Variants in FGF13 observed in about 807,000 individuals in gnomAD.
FGF13 encodes fibroblast growth factor homologous factor 2.
Under a neutral mutation model 19.5 loss-of-function variants are expected in FGF13, and 2 were observed. The observed-to-expected ratio is 0.10, with a 90% confidence interval of 0.04 to 0.32. FGF13 has a LOEUF of 0.32. Among genes scored for constraint, FGF13 ranks in the 10% least tolerant of loss-of-function variants. The pLI is 1.00. For synonymous variants in FGF13, 72 were observed against 76.9 expected, an observed-to-expected ratio of 0.94 and a Z score of 0.33; for missense variants, 113 against 192.7, an observed-to-expected ratio of 0.59 and a Z score of 2.45.
chrX:138,815,930 C>A (rs1218598622), intron 3 of FGF13, among the ~76,000 whole-genome samples: 1 of 110,704 alleles, frequency 9.0e-6, no homozygotes, highest in African/African-American at 3.3e-5. Context: ...ACTCCAAATC[C>A]AGGTACAATA....
intron 3 of FGF13, among the ~76,000 whole-genome samples, chrX:138,768,733 TATATG>T (rs1341504600): frequency 4.0e-5 from 4 of 100,392 alleles, no homozygotes; most frequent in African/African-American, 1.2e-4. Context: ...ATATTATATA[TATATG>T]ATATATATAT....
chrX:138,729,556 T>C (rs2090212319), intron 1 of FGF13, among the ~76,000 whole-genome samples: 1 of 108,889 alleles, frequency 9.2e-6, no homozygotes, highest in African/African-American at 3.3e-5. Context: ...ACATGAGTAA[T>C]TTGGAGTCTC....
At chrX:139,081,046 A>G (rs1022019910) in intron 1 of FGF13, among the ~76,000 whole-genome samples, 1 of 110,948 alleles carries the variant, frequency 9.0e-6, no homozygotes, top group Non-Finnish European at 1.9e-5. Flanking sequence ...CTTCCACTTT[A>G]GAAAACAACT....
chrX:138,891,230 A>C (rs760489853), intron 1 of FGF13, among the ~76,000 whole-genome samples: 1 of 111,784 alleles, frequency 8.9e-6, no homozygotes, highest in South Asian at 3.8e-4. Context: ...GCTTGCAGTG[A>C]GCCGAGATTG....
chrX:138,752,411 G>A (rs1196439935), intron 3 of FGF13, among the ~76,000 whole-genome samples: 1 of 111,038 alleles, frequency 9.0e-6, no homozygotes, highest in African/African-American at 3.3e-5. Flanking sequence ...GTGCAACAGA[G>A]CAAGACTCCA....
rs1392206171 is a variant in FGF13 at position 139,000,241 on chromosome X, T to C, written c.-112-135591A>G. On this transcript the variant is annotated intron_variant, in intron 1 of 2. Transcript: ENST00000421460. ...CACAGCCAATATCATATGGAATGGG[T>C]AAAAACTGGAAGCATTTCCTTTGAA... Among the ~76,000 whole-genome samples, 8 of 111,632 alleles carry C rather than the reference T, an allele frequency of 7.2e-5. No individual in the cohort carries two copies. In the East Asian group the frequency reaches 2.3e-3, roughly 31 times the overall value.
intron 3 of FGF13, among the ~76,000 whole-genome samples, chrX:138,832,917 G>A (rs1320055546): frequency 8.9e-6 from 1 of 111,846 alleles, no homozygotes; most frequent in Non-Finnish European, 1.9e-5. Flanking sequence ...ATTGAATAGT[G>A]ACTCCTTCCT....
intron 3 of FGF13, among the ~76,000 whole-genome samples, chrX:138,641,604 TA>T (rs200812241): frequency 0.012 from 1,377 of 112,203 alleles, 14 homozygotes; most frequent in African/African-American, 0.04. Flanking sequence ...ATCATGCCCA[TA>T]GGGGTGACAA....
chrX:138,856,944 G>GA (rs1465841830), downstream of FGF13, among the ~76,000 whole-genome samples: 14 of 111,434 alleles, frequency 1.3e-4, no homozygotes, highest in Non-Finnish European at 3.8e-5. Context: ...GAGCTGAAAA[G>GA]AAAAAACAAA....
chrX:138,706,042 T>C (rs1207036471), intron 2 of FGF13, among the ~76,000 whole-genome samples: 3 of 112,514 alleles, frequency 2.7e-5, no homozygotes, highest in Admixed American at 1.9e-4. Flanking sequence ...ATGTACCTAG[T>C]TGGCACCCAG....
intron 1 of FGF13, among the ~76,000 whole-genome samples, chrX:139,177,561 G>A (rs112295470): frequency 0.016 from 1,722 of 111,091 alleles, 14 homozygotes; most frequent in Non-Finnish European, 0.024. Context: ...GGCTGGTACC[G>A]GTTATTCCTT....
In FGF13 at chrX:138,750,606, A is replaced by AT. The variant is rs763545831; in HGVS notation, c.218-41679dup. On this transcript the variant is annotated intron_variant, in intron 3 of 6. Transcript: ENST00000436198. ...AAAGTGACAGCTCATCCTACATACC[A>AT]TTTTTTTTTTGACTCTCTGCCAACT... Among the ~76,000 whole-genome samples the AT allele has an allele frequency of 7.1e-3, 757 of 107,180 alleles. 11 individuals are homozygous for AT. Among genetic ancestry groups the AT allele is most frequent in the African/African-American group, 0.023 (674 of 29,498 alleles). The allele number at this position is 107,180 out of a possible 115,157, so 93.1% of individuals were successfully genotyped here.
Position 138,624,205 on chromosome X carries a change from T to C in FGF13, c.*8645A>G, listed in dbSNP as rs909052263. 1.8e-5 allele frequency: 2 copies of C among 111,865 alleles called. No homozygotes were observed. The highest frequency in any genetic ancestry group is 9.5e-5 in the Admixed American group (1 of 10,519). The allele number at this position is 111,865 out of a possible 1,213,427, so 9.2% of individuals were successfully genotyped here. On this transcript the variant is annotated 3_prime_UTR_variant, in exon 5 of 5. Transcript: ENST00000315930. ...TAAAGCTATAGTAATCAAAACAGTA[T>C]GGTATTGGCATAGAAGCAGACACAT...
intron 1 of FGF13, among the ~76,000 whole-genome samples, chrX:138,936,078 C>T (rs2091729706): frequency 8.9e-6 from 1 of 112,153 alleles, no homozygotes; most frequent in African/African-American, 3.2e-5. Context: ...TCCAAGGTCC[C>T]AAAGTTGTAC....
At chrX:138,967,424 A>T (rs1327534069) in intron 1 of FGF13, among the ~76,000 whole-genome samples, 3 of 111,702 alleles carry the variant, frequency 2.7e-5, no homozygotes, top group Non-Finnish European at 5.6e-5. Flanking sequence ...CATCTTCTAA[A>T]AAGGAGAGCC....
chrX:138,757,423 C>G (rs1161920514), intron 3 of FGF13, among the ~76,000 whole-genome samples: 1 of 111,214 alleles, frequency 9.0e-6, no homozygotes, highest in Non-Finnish European at 1.9e-5. Context: ...AGCATGGAAC[C>G]TCTGTGAATT....
At chrX:139,041,979 C>T (rs949218574) in intron 1 of FGF13, among the ~76,000 whole-genome samples, 4 of 112,176 alleles carry the variant, frequency 3.6e-5, no homozygotes, top group Non-Finnish European at 7.5e-5. Context: ...ATTTGGTAGC[C>T]TGTCATGGAG....
At chrX:139,131,972 C>T (rs1421318475) in intron 1 of FGF13, among the ~76,000 whole-genome samples, 2 of 112,060 alleles carry the variant, frequency 1.8e-5, no homozygotes. Flanking sequence ...TTTATTAGCA[C>T]ATACAGAAGG....
chrX:138,940,395 T>A (rs1409911826), intron 1 of FGF13, among the ~76,000 whole-genome samples: 3 of 112,084 alleles, frequency 2.7e-5, no homozygotes, highest in Non-Finnish European at 5.6e-5. Context: ...GTTTACTTTG[T>A]TGATAGTTTC....
Sources: allele counts gnomAD v4.1 joint callset (sites outside exome capture counted in the v4.1 genomes callset), GRCh38; gene constraint gnomAD v4.1.1; transcripts MANE v1.5; gene names NCBI Gene and HGNC (gene_info 2026-07-23, HGNC 2026-07-21).